Variants in SH2D3C observed in about 807,000 individuals in gnomAD.
The protein encoded by SH2D3C is SH2 domain containing 3C.
A neutral mutation model predicts 75.2 loss-of-function variants in SH2D3C; 25 were observed. That is an observed-to-expected ratio of 0.33 (90% CI 0.24 to 0.46). The LOEUF (loss-of-function observed/expected upper bound fraction) is 0.46. Ranked by LOEUF, SH2D3C falls within the 20% of genes least tolerant of loss-of-function variation. The probability of loss-of-function intolerance (pLI) is 1.00; values close to 1 mark genes in which losing one functional copy is unlikely to be tolerated. For synonymous variants in SH2D3C, 450 were observed against 473.7 expected (o/e 0.95, Z 0.65); for missense variants, 933 against 1,165.3 (o/e 0.80, Z 2.90).
intron 2 of SH2D3C, chr9:127,771,223 C>A (rs1845731412): frequency 1.3e-6 from 2 of 1,546,644 alleles, no homozygotes; most frequent in African/African-American, 1.4e-5. Context: ...CGGCCCACAG[C>A]AGTCATGCTT....
At chr9:127,743,879 G>T (rs1844939161) in intron 7 of SH2D3C, among the ~76,000 whole-genome samples, 1 of 151,850 alleles carries the variant, frequency 6.6e-6, no homozygotes, top group African/African-American at 2.4e-5. Flanking sequence ...TTTGTCCAGT[G>T]GCGGGGGGGC....
chr9:127,755,305 G>T, intron 3 of SH2D3C: 2 of 985,996 alleles, frequency 2.0e-6, no homozygotes, highest in Non-Finnish European at 2.5e-6. Flanking sequence ...GAGGAGCGGG[G>T]AGGCGGGGCG....
intron 2 of SH2D3C, chr9:127,762,349 C>A (rs747948563): frequency 7.7e-7 from 1 of 1,302,588 alleles, no homozygotes; most frequent in Admixed American, 2.3e-5. Flanking sequence ...CCTCAGGCAG[C>A]CTGGACCTGC....
rs1402465007 is a variant in SH2D3C, at chr9:127,754,219, G to C, written c.556-2919C>G. ...CTGCGCGCGCCTGATTGGCCGGTGC[G>C]GGGATGCTGCGCTCCGCCGCCGGCG... On this transcript the variant is annotated intron_variant, in intron 3 of 11. Transcript: ENST00000314830. The surrounding 1 kb of genome is among the most constrained non-coding windows in gnomAD (Gnocchi z 4.4). Among the ~76,000 whole-genome samples, 5 of 152,276 alleles carry C rather than the reference G, an allele frequency of 3.3e-5. No homozygotes were observed. The highest frequency in any genetic ancestry group is 1.2e-4 in the African/African-American group (5 of 41,560).
intron 2 of SH2D3C, among the ~76,000 whole-genome samples, chr9:127,764,001 G>A (rs1845585810): frequency 6.6e-6 from 1 of 152,178 alleles, no homozygotes; most frequent in Non-Finnish European, 1.5e-5. Flanking sequence ...CTCTTCCCGG[G>A]TGAGGCATCC....
rs1368463399 is a variant in SH2D3C at position 127,754,818 on chromosome 9, G to A, written c.556-3518C>T. The A allele has an allele frequency of 2.1e-6, 1 of 486,858 alleles. No individual in the cohort carries two copies. The highest frequency in any genetic ancestry group is 2.3e-5 in the Admixed American group (1 of 42,990). 30.2% of individuals were successfully genotyped at this position (486,858 alleles called of 1,614,324 possible). On this transcript the variant is annotated intron_variant, in intron 3 of 11. Transcript: ENST00000314830. The surrounding 1 kb of genome is among the most constrained non-coding windows in gnomAD (Gnocchi z 4.4). ...CTGCCCCAGCTCTCTCCCTCCTGCG[G>A]AGGAGGCAGAAACGGACCGGCATCT...
chr9:127,745,011 C>T lies in SH2D3C; in HGVS notation c.1353G>A (p.Leu451=). ...PVARRSSEPQ[L]CPGSAPKTHG... ...GGGTCTTTGGGGCACTTCCGGGACA[C>T]AGCTGGGGCTCACTGGAACGGCGGG... The change falls in exon 7 of 12, where the codon CTG becomes CTA. Residue 451 remains leucine (L), a synonymous_variant. Transcript: ENST00000314830. The T allele has an allele frequency of 6.6e-7, 1 of 1,516,658 alleles. No individual in the cohort carries two copies. Among genetic ancestry groups the T allele is most frequent in the Admixed American group, 2.2e-5 (1 of 44,772 alleles). The allele number at this position is 1,516,658 out of a possible 1,614,324, so 94.0% of individuals were successfully genotyped here. A position where few individuals can be genotyped will look rare whatever the true frequency, so the allele number is the denominator to read the frequency against.
chr9:127,759,121 C>T lies in SH2D3C; in HGVS notation c.555+2490G>A, dbSNP rs142109419. ...CAAACACAGGCTCAGGGAGGCAATG[C>T]CACACCCAAATCCAGTGGCAAGTAA... is the stretch of plus-strand genomic sequence containing the variant. On this transcript the variant is annotated intron_variant, in intron 3 of 11. Transcript: ENST00000314830. Among the ~76,000 whole-genome samples, 331 of 152,340 alleles carry T rather than the reference C, an allele frequency of 2.2e-3. 1 individual carries two copies. Among genetic ancestry groups the T allele is most frequent in the Admixed American group, 5.0e-3 (77 of 15,310 alleles).
chr9:127,756,064 C>G (rs1216342558), intron 3 of SH2D3C, among the ~76,000 whole-genome samples: 1 of 152,144 alleles, frequency 6.6e-6, no homozygotes, highest in Admixed American at 6.5e-5. Flanking sequence ...CCCTGGGAGA[C>G]CGGGGCAAGT....
At position 127,747,176 on chromosome 9, in the gene SH2D3C, T is replaced by C. The variant is rs144096462; in HGVS notation, c.1235A>G (p.Glu412Gly). 3.7e-6 allele frequency: 6 copies of C among 1,613,882 alleles called. No individual in the cohort carries two copies. The highest frequency in any genetic ancestry group is 5.1e-6 in the Non-Finnish European group (6 of 1,179,968). ...DLHSPMSPIS[E>G]SPSSPAYSTV... ...GCTGTAGGCAGGGGAGCTAGGGCTC[T>C]CGGAGATGGGCGACATGGGTGAGTG... Residue 412 changes from glutamate to glycine, a missense_variant, in exon 6 of 12, where the codon GAG becomes GGG. Coordinates refer to ENST00000314830, the MANE Select transcript of SH2D3C (RefSeq NM_170600.3).
At chr9:127,764,537 T>C (rs1193394599) in intron 2 of SH2D3C, among the ~76,000 whole-genome samples, 1 of 152,122 alleles carries the variant, frequency 6.6e-6, no homozygotes, top group Non-Finnish European at 1.5e-5. Context: ...GCCAAGGTCC[T>C]GGAAACAGCC....
At chr9:127,778,242 C>T (rs1829065659) in intron 1 of SH2D3C, among the ~76,000 whole-genome samples, 2 of 151,776 alleles carry the variant, frequency 1.3e-5, no homozygotes, top group African/African-American at 2.4e-5. Flanking sequence ...CCAGCCTCGG[C>T]CTCCCAAAGT....
chr9:127,739,943 C>G lies in SH2D3C; in HGVS notation c.2201-55G>C, dbSNP rs1012671210. On this transcript the variant is annotated intron_variant, in intron 10 of 11. Coordinates refer to ENST00000314830, the MANE Select transcript of SH2D3C (RefSeq NM_170600.3). This position sits in a 1 kb window ranked among gnomAD's most constrained non-coding sequence, Gnocchi z 4.3. ...AGATCCTGTAGTGCCCCACCATCCA[C>G]TGCAGTCCTGGAAGCTGAGGTGCAG... The G allele has an allele frequency of 6.9e-7, 1 of 1,440,974 alleles. No homozygotes were observed. The highest frequency in any genetic ancestry group is 1.4e-5 in the African/African-American group (1 of 70,430). The allele number at this position is 1,440,974 out of a possible 1,614,324, so 89.3% of individuals were successfully genotyped here.
At chr9:127,757,186 G>A (rs1359796738) in intron 3 of SH2D3C, among the ~76,000 whole-genome samples, 1 of 149,208 alleles carries the variant, frequency 6.7e-6, no homozygotes, top group Middle Eastern at 3.2e-3. Context: ...CAAGTGATCT[G>A]CCCGCATTAC....
chr9:127,772,461 C>A (rs1224408290), intron 2 of SH2D3C, among the ~76,000 whole-genome samples: 1 of 152,090 alleles, frequency 6.6e-6, no homozygotes, highest in African/African-American at 2.4e-5. Context: ...TCAGGCTGGT[C>A]TCTTTGGCCA....
chr9:127,769,135 C>A (rs2131805397), intron 2 of SH2D3C, among the ~76,000 whole-genome samples: 2 of 152,294 alleles, frequency 1.3e-5, no homozygotes, highest in Admixed American at 1.3e-4. Context: ...TCCATGAGGG[C>A]AGGGTTTTGT....
chr9:127,755,045 G>A (rs1321106001), intron 3 of SH2D3C: 19 of 1,078,554 alleles, frequency 1.8e-5, no homozygotes, highest in Non-Finnish European at 2.1e-5. Context: ...GTCCCAGCCC[G>A]GCGCGCGTGG....
chr9:127,764,986 C>T (rs1431086642), intron 2 of SH2D3C, among the ~76,000 whole-genome samples: 1 of 152,166 alleles, frequency 6.6e-6, no homozygotes, highest in Admixed American at 6.5e-5. Flanking sequence ...GCTGGGATTA[C>T]AGGCGTGAGC....
In SH2D3C at chr9:127,757,632, TGATGATG is replaced by T. The variant is rs1564419818; in HGVS notation, c.555+3972_555+3978del. The stretch of plus-strand genomic sequence containing the variant: ...ATGATGATGATGATGATGATGATGA[TGATGATG>T]ATGATGATTATTATTATTATTATTA... On this transcript the variant is annotated intron_variant, in intron 3 of 11. Transcript: ENST00000314830. Among the ~76,000 whole-genome samples the T allele has an allele frequency of 6.0e-3, 722 of 120,194 alleles. 5 individuals carry two copies. The highest frequency in any genetic ancestry group is 0.01 in the East Asian group (42 of 4,054). 78.9% of individuals were successfully genotyped at this position (120,194 alleles called of 152,430 possible). A position where few individuals can be genotyped will look rare whatever the true frequency, so the allele number is the denominator to read the frequency against.
Sources: gnomAD v4.1 joint callset for allele counts (sites outside exome capture counted in the v4.1 genomes callset) on GRCh38, gnomAD v4.1.1 for gene constraint, Gnocchi (gnomAD v3.1) non-coding constraint, MANE v1.5 for transcripts, NCBI Gene and HGNC (gene_info 2026-07-23, HGNC 2026-07-21) for gene names.